The following RORA variants were observed in gnomAD, a reference collection of about 807,000 sequenced individuals.
RORA encodes the protein nuclear receptor ROR-alpha.
Under a neutral mutation model 69.5 loss-of-function variants are expected in RORA, and 7 were observed. The ratio of observed to expected loss-of-function variants is 0.10; its 90% CI spans 0.06 to 0.19. The LOEUF is 0.19. RORA is among the 10% of genes least tolerant of loss of function. The pLI is 1.00. For synonymous variants in RORA, 261 were observed against 240.8 expected (o/e 1.08, Z -0.78); for missense variants, 457 against 663.0 (o/e 0.69, Z 3.41).
intron 2 of RORA, among the ~76,000 whole-genome samples, chr15:60,636,505 G>T (rs1490958933): frequency 6.6e-6 from 1 of 152,118 alleles, no homozygotes; most frequent in Non-Finnish European, 1.5e-5. Context: ...ATAAAAGTAG[G>T]TAATAGTACC....
chr15:60,655,169 T>TTTTA lies in RORA; in HGVS notation c.196+23484_196+23487dup, dbSNP rs780581329. 2.0e-4 allele frequency among the ~76,000 whole-genome samples: 31 copies of TTTTA among 152,022 alleles called. 1 individual carries two copies. The highest frequency in any genetic ancestry group is 6.5e-4 in the Admixed American group (10 of 15,272). ...CCAAATTCATGGCAACTTTTTAAAT[T>TTTTA]TTTATTTATTTATTTATTTATTTTT... On this transcript the variant is annotated intron_variant, in intron 2 of 10. Coordinates refer to ENST00000335670, the MANE Select transcript of RORA (RefSeq NM_134261.3).
intron 1 of RORA, among the ~76,000 whole-genome samples, chr15:61,058,718 G>T (rs1459310405): frequency 6.6e-6 from 1 of 152,178 alleles, no homozygotes; most frequent in Non-Finnish European, 1.5e-5. Context: ...CTAGCACTTT[G>T]TATCTTAACC....
At chr15:60,779,714 A>G (rs1329609196) in intron 1 of RORA, among the ~76,000 whole-genome samples, 1 of 152,226 alleles carries the variant, frequency 6.6e-6, no homozygotes, top group Non-Finnish European at 1.5e-5. Flanking sequence ...TTTTCTCAAG[A>G]CAGTCCTAGC....
chr15:60,548,925 A>G (rs1175793615), intron 2 of RORA, among the ~76,000 whole-genome samples: 1 of 152,180 alleles, frequency 6.6e-6, no homozygotes, highest in Non-Finnish European at 1.5e-5. Flanking sequence ...GCGCCTGGCC[A>G]ATAGCATTAG....
intron 1 of RORA, among the ~76,000 whole-genome samples, chr15:61,039,306 C>T (rs1896615655): frequency 6.6e-6 from 1 of 152,168 alleles, no homozygotes; most frequent in East Asian, 1.9e-4. Flanking sequence ...CAGTTGGGCT[C>T]TTGTCAACCT....
chr15:61,030,952 A>G (rs1896135587), intron 1 of RORA, among the ~76,000 whole-genome samples: 2 of 152,228 alleles, frequency 1.3e-5, no homozygotes, highest in Non-Finnish European at 2.9e-5. Context: ...AAATATGCAT[A>G]TGCACACATA....
At chr15:60,887,084 G>T (rs1476828354) in intron 1 of RORA, among the ~76,000 whole-genome samples, 3 of 151,882 alleles carry the variant, frequency 2.0e-5, no homozygotes, top group Admixed American at 2.0e-4. Context: ...TGAAAACCAA[G>T]ACAGGTCAGA....
intron 1 of RORA, among the ~76,000 whole-genome samples, chr15:61,205,527 C>A (rs2140931259): frequency 6.6e-6 from 1 of 152,240 alleles, no homozygotes; most frequent in South Asian, 2.1e-4. Context: ...CGGAAGTCAG[C>A]TAAGACAGTG....
At chr15:60,855,622 A>G (rs2256429) in intron 1 of RORA, among the ~76,000 whole-genome samples, 92,723 of 138,832 alleles carry the variant, frequency 0.67, 29,192 homozygotes, top group East Asian at 0.91. Flanking sequence ...TTATTTATTT[A>G]TTTATTTATT....
intron 1 of RORA, among the ~76,000 whole-genome samples, chr15:60,948,544 A>G (rs1439610376): frequency 6.6e-6 from 1 of 152,236 alleles, no homozygotes; most frequent in Non-Finnish European, 1.5e-5. Context: ...ACAACAATAT[A>G]TAATTTATGC....
chr15:60,946,884 C>T (rs892720859), intron 1 of RORA, among the ~76,000 whole-genome samples: 10 of 151,830 alleles, frequency 6.6e-5, no homozygotes, highest in African/African-American at 9.7e-5. Context: ...CCCGCCGCCC[C>T]GTCTGGGATG....
chr15:60,659,819 G>A (rs1244091474), intron 2 of RORA, among the ~76,000 whole-genome samples: 1 of 152,108 alleles, frequency 6.6e-6, no homozygotes, highest in African/African-American at 2.4e-5. Flanking sequence ...CCATCCCCCT[G>A]CTAAAACAAT....
chr15:60,886,821 T>C (rs1369100455), intron 1 of RORA, among the ~76,000 whole-genome samples: 4 of 152,122 alleles, frequency 2.6e-5, no homozygotes, highest in African/African-American at 9.7e-5. Flanking sequence ...GACAACTGAG[T>C]CTCTTTCTGA....
chr15:60,857,835 A>G (rs1216948442), intron 1 of RORA, among the ~76,000 whole-genome samples: 2 of 152,252 alleles, frequency 1.3e-5, no homozygotes, highest in African/African-American at 4.8e-5. Flanking sequence ...CCAGGATATT[A>G]GAGCTGGAAG....
At position 61,072,298 on chromosome 15, in the gene RORA, T is replaced by C. The variant is rs191062215; in HGVS notation, c.166+156755A>G. ...TCAGTTCCCTCAATGGACATTGGCA[T>C]TGATGAGCCCATAAGTACATGATAA... On this transcript the variant is annotated intron_variant, in intron 1 of 10. Coordinates refer to ENST00000335670, the MANE Select transcript of RORA (RefSeq NM_134261.3). Among the ~76,000 whole-genome samples the C allele has an allele frequency of 5.9e-5, 9 of 152,268 alleles. No homozygotes were observed. In the East Asian group the frequency reaches 1.4e-3, roughly 23 times the overall value.
At chr15:61,060,600 C>T (rs1480720917) in intron 1 of RORA, among the ~76,000 whole-genome samples, 2 of 152,110 alleles carry the variant, frequency 1.3e-5, no homozygotes, top group African/African-American at 4.8e-5. Flanking sequence ...AACTGTGGAC[C>T]CCCTCACTGG....
intron 1 of RORA, among the ~76,000 whole-genome samples, chr15:60,979,445 A>G (rs181792293): frequency 6.6e-6 from 1 of 152,124 alleles, no homozygotes; most frequent in African/African-American, 2.4e-5. Flanking sequence ...CAATCAGGGG[A>G]GTATTCTATT....
chr15:60,554,536 A>G (rs1173360642), intron 2 of RORA, among the ~76,000 whole-genome samples: 2 of 152,236 alleles, frequency 1.3e-5, no homozygotes, highest in Non-Finnish European at 2.9e-5. Context: ...ACCCATTGAA[A>G]GGCTTATTTA....
At chr15:60,999,827 C>T (rs565819503) in intron 1 of RORA, among the ~76,000 whole-genome samples, 2 of 152,286 alleles carry the variant, frequency 1.3e-5, no homozygotes, top group South Asian at 4.1e-4. Flanking sequence ...GAATTGAGGG[C>T]GATGAAAACT....
Sources: gnomAD v4.1 joint callset for allele counts (sites outside exome capture counted in the v4.1 genomes callset) on GRCh38, gnomAD v4.1.1 for gene constraint, MANE v1.5 for transcripts, NCBI Gene and HGNC (gene_info 2026-07-23, HGNC 2026-07-21) for gene names.